ZNF704: variants seen among roughly 807,000 people sequenced by gnomAD.
ZNF704 encodes zinc finger protein 704.
ZNF704 carries 10 observed loss-of-function variants against 44.7 expected under a neutral mutation model. The observed-to-expected ratio is 0.22, with a 90% CI of 0.14 to 0.38. The LOEUF is 0.38. Among genes scored for constraint, ZNF704 ranks in the 10% least tolerant of loss-of-function variants. The probability of loss-of-function intolerance (pLI) is 1.00; values close to 1 mark genes in which losing one functional copy is unlikely to be tolerated. For missense variants in ZNF704, 390 were observed against 545.5 expected, an observed-to-expected ratio of 0.71 and a Z score of 2.84; for synonymous variants, 211 against 207.6, an observed-to-expected ratio of 1.02 and a Z score of -0.14.
Position 80,788,093 on chromosome 8 carries a change from T to C in ZNF704, c.221+33281A>G, listed in dbSNP as rs189840512. 5.2e-3 allele frequency among the ~76,000 whole-genome samples: 790 copies of C among 152,304 alleles called. 7 individuals are homozygous for C. The highest frequency in any genetic ancestry group is 0.019 in the African/African-American group (770 of 41,568). Reference sequence around the variant, plus strand: ...TTTATTAATAAAATTCCAAACATGATAGTCAGAATTTCATGCAATATGCAG... The same window carrying C: ...TTTATTAATAAAATTCCAAACATGACAGTCAGAATTTCATGCAATATGCAG... On this transcript the variant is annotated intron_variant, in intron 2 of 8. Transcript: ENST00000327835.
intron 2 of ZNF704, among the ~76,000 whole-genome samples, chr8:80,807,136 A>G (rs1420259587): frequency 5.3e-5 from 8 of 152,288 alleles, no homozygotes; most frequent in African/African-American, 1.7e-4. Flanking sequence ...GTCTTCCTTT[A>G]TTTACAAGGA....
chr8:80,689,469 C>T (rs777047634), intron 3 of ZNF704, among the ~76,000 whole-genome samples: 12 of 152,162 alleles, frequency 7.9e-5, no homozygotes, highest in Admixed American at 1.3e-4. Context: ...GAGACTGATA[C>T]GCTCACCAGA....
chr8:80,698,441 G>A (rs1818758686), intron 2 of ZNF704, among the ~76,000 whole-genome samples: 1 of 152,150 alleles, frequency 6.6e-6, no homozygotes, highest in Non-Finnish European at 1.5e-5. Flanking sequence ...GAAGTGCAGT[G>A]TGCTTGGGAG....
intron 5 of ZNF704, among the ~76,000 whole-genome samples, chr8:80,665,818 T>C (rs1818180442): frequency 6.6e-6 from 1 of 151,174 alleles, no homozygotes; most frequent in African/African-American, 2.4e-5. Flanking sequence ...ACTATTTTAT[T>C]TTATTTTATT....
At chr8:80,848,028 T>C (rs1490849819) in intron 1 of ZNF704, among the ~76,000 whole-genome samples, 1 of 152,174 alleles carries the variant, frequency 6.6e-6, no homozygotes, top group East Asian at 1.9e-4. Context: ...CACATGTCCT[T>C]CAATGGGTGA....
chr8:80,696,799 T>G (rs1434023752), intron 2 of ZNF704, among the ~76,000 whole-genome samples: 1 of 152,226 alleles, frequency 6.6e-6, no homozygotes, highest in Non-Finnish European at 1.5e-5. Context: ...ACAAAATTGA[T>G]TTATGTTTCA....
chr8:80,856,549 G>A (rs1808965107), intron 1 of ZNF704, among the ~76,000 whole-genome samples: 2 of 152,096 alleles, frequency 1.3e-5, no homozygotes, highest in Admixed American at 1.3e-4. Flanking sequence ...TGTGTATGGT[G>A]CAAGGTAGAG....
At chr8:80,675,849 G>A (rs926406794) in intron 4 of ZNF704, among the ~76,000 whole-genome samples, 1 of 152,152 alleles carries the variant, frequency 6.6e-6, no homozygotes, top group African/African-American at 2.4e-5. Context: ...CAGGGATAGA[G>A]ATATAAATTT....
intron 4 of ZNF704, among the ~76,000 whole-genome samples, chr8:80,684,482 T>C (rs748844497): frequency 3.3e-5 from 5 of 152,136 alleles, no homozygotes; most frequent in Non-Finnish European, 7.4e-5. Flanking sequence ...TCTCAAACAA[T>C]ACCCACAGAA....
chr8:80,747,053 T>C (rs1445090253), intron 2 of ZNF704, among the ~76,000 whole-genome samples: 1 of 152,152 alleles, frequency 6.6e-6, no homozygotes, highest in African/African-American at 2.4e-5. Flanking sequence ...GAATATGTGC[T>C]TCATCTGGAC....
intron 7 of ZNF704, among the ~76,000 whole-genome samples, chr8:80,647,156 A>C (rs1585919878): frequency 6.6e-6 from 1 of 152,268 alleles, no homozygotes; most frequent in Admixed American, 6.5e-5. Context: ...TTCTAGTGAG[A>C]AGACAGACAA....
At chr8:80,774,262 G>A (rs936799435) in intron 2 of ZNF704, among the ~76,000 whole-genome samples, 2 of 151,980 alleles carry the variant, frequency 1.3e-5, no homozygotes, top group African/African-American at 4.8e-5. Context: ...TAGAGATGGG[G>A]TCTCTTTATG....
At chr8:80,824,147 C>T (rs371694929) in intron 1 of ZNF704, among the ~76,000 whole-genome samples, 2 of 152,074 alleles carry the variant, frequency 1.3e-5, no homozygotes, top group Non-Finnish European at 1.5e-5. Context: ...GGAGGATGTT[C>T]GAACCCATTG....
intron 1 of ZNF704, among the ~76,000 whole-genome samples, chr8:80,872,197 A>G (rs1021060206): frequency 6.6e-6 from 1 of 152,222 alleles, no homozygotes; most frequent in Non-Finnish European, 1.5e-5. Context: ...TAGCCATACA[A>G]TGCAGGCTTT....
At chr8:80,770,704 G>A (rs1385821690) in intron 2 of ZNF704, among the ~76,000 whole-genome samples, 1 of 152,170 alleles carries the variant, frequency 6.6e-6, no homozygotes, top group African/African-American at 2.4e-5. Context: ...TTATTTGATA[G>A]AGTGCAATTT....
intron 2 of ZNF704, among the ~76,000 whole-genome samples, chr8:80,697,843 A>T (rs1361788447): frequency 6.6e-6 from 1 of 152,212 alleles, no homozygotes; most frequent in East Asian, 1.9e-4. Context: ...CTTGTTCAGC[A>T]CCAGCACTAG....
intron 7 of ZNF704, among the ~76,000 whole-genome samples, chr8:80,658,402 CCAAA>C (rs1362145252): frequency 3.9e-5 from 6 of 152,026 alleles, no homozygotes; most frequent in African/African-American, 1.4e-4. Context: ...AAAAAAGTCC[CCAAA>C]CAGATTGTTA....
intron 1 of ZNF704, among the ~76,000 whole-genome samples, chr8:80,847,613 A>G (rs1486565963): frequency 6.6e-6 from 1 of 152,216 alleles, no homozygotes; most frequent in African/African-American, 2.4e-5. Flanking sequence ...GTATGGTACC[A>G]GCAGAGCACA....
chr8:80,706,185 T>G (rs978520911), intron 2 of ZNF704, among the ~76,000 whole-genome samples: 1 of 152,226 alleles, frequency 6.6e-6, no homozygotes, highest in African/African-American at 2.4e-5. Context: ...GGGTTAAGTA[T>G]GTTATTGCTT....
Sources: allele counts gnomAD v4.1 joint callset (sites outside exome capture counted in the v4.1 genomes callset), GRCh38; gene constraint gnomAD v4.1.1; transcripts MANE v1.5; gene names NCBI Gene and HGNC (gene_info 2026-07-23, HGNC 2026-07-21).